OPCML: variants seen among roughly 807,000 people sequenced by gnomAD.
OPCML encodes the protein opioid-binding protein/cell adhesion molecule.
OPCML carries 13 observed loss-of-function variants against 37.8 expected under a neutral mutation model. That is an observed-to-expected ratio of 0.34 (90% CI 0.22 to 0.55). The LOEUF (loss-of-function observed/expected upper bound fraction) is 0.55. Among genes scored for constraint, OPCML ranks in the 20% least tolerant of loss-of-function variants. The probability of loss-of-function intolerance (pLI) is 0.91; values close to 1 mark genes in which losing one functional copy is unlikely to be tolerated. For missense variants in OPCML, 341 were observed against 435.6 expected, an observed-to-expected ratio of 0.78 and a Z score of 1.93; for synonymous variants, 176 against 168.8, an observed-to-expected ratio of 1.04 and a Z score of -0.33.
intron 1 of OPCML, among the ~76,000 whole-genome samples, chr11:133,396,936 T>C (rs950311857): frequency 2.6e-5 from 4 of 152,188 alleles, no homozygotes; most frequent in Non-Finnish European, 5.9e-5. Flanking sequence ...TATAGAAATA[T>C]GTAGGATTGG....
chr11:133,136,831 G>A (rs1486391755), intron 1 of OPCML, among the ~76,000 whole-genome samples: 7 of 20,238 alleles, frequency 3.5e-4, no homozygotes, highest in Admixed American at 1.4e-3. Context: ...ATGTGCACGT[G>A]TGTGTGTGTG....
intron 3 of OPCML, among the ~76,000 whole-genome samples, chr11:132,644,508 A>G (rs1941043508): frequency 6.6e-6 from 1 of 152,222 alleles, no homozygotes; most frequent in Non-Finnish European, 1.5e-5. Flanking sequence ...AAAAATTAAA[A>G]GAAAGAAGAA....
chr11:132,496,103 C>G (rs1565612817), intron 4 of OPCML, among the ~76,000 whole-genome samples: 2 of 152,096 alleles, frequency 1.3e-5, no homozygotes, highest in African/African-American at 4.8e-5. Context: ...GGAATAAAGA[C>G]AAATCTGAAT....
intron 1 of OPCML, among the ~76,000 whole-genome samples, chr11:133,232,094 A>C (rs1260993860): frequency 6.6e-6 from 1 of 152,212 alleles, no homozygotes; most frequent in Non-Finnish European, 1.5e-5. Context: ...CTGAACTTTT[A>C]GTTGCCTTGA....
chr11:132,684,797 T>C (rs1232207990), intron 2 of OPCML, among the ~76,000 whole-genome samples: 2 of 152,186 alleles, frequency 1.3e-5, no homozygotes, highest in Admixed American at 1.3e-4. Context: ...GACAAATAAA[T>C]AACTTTGCGG....
intron 2 of OPCML, among the ~76,000 whole-genome samples, chr11:132,787,906 G>A (rs1947274902): frequency 6.6e-6 from 1 of 152,150 alleles, no homozygotes; most frequent in Non-Finnish European, 1.5e-5. Context: ...TTTTGAGACA[G>A]AGTCTCGCTT....
chr11:132,788,136 C>T (rs986574536), intron 2 of OPCML, among the ~76,000 whole-genome samples: 4 of 152,170 alleles, frequency 2.6e-5, no homozygotes, highest in African/African-American at 9.7e-5. Context: ...ACCTCGGCCT[C>T]CCAAAGTGCT....
intron 4 of OPCML, among the ~76,000 whole-genome samples, chr11:132,507,497 ATATC>A (rs1565622032): frequency 6.6e-6 from 1 of 151,970 alleles, no homozygotes; most frequent in Non-Finnish European, 1.5e-5. Context: ...ATTAACATAA[ATATC>A]TATAAACTTG....
chr11:133,462,199 G>C (rs925445920), intron 1 of OPCML, among the ~76,000 whole-genome samples: 4 of 151,822 alleles, frequency 2.6e-5, no homozygotes, highest in African/African-American at 9.7e-5. Context: ...ACTCAGTATG[G>C]ACCAAAGATG....
At chr11:133,247,759 T>C (rs1244788762) in intron 1 of OPCML, among the ~76,000 whole-genome samples, 1 of 151,932 alleles carries the variant, frequency 6.6e-6, no homozygotes, top group Non-Finnish European at 1.5e-5. Flanking sequence ...TGAGCCACCA[T>C]GCCCAACTAA....
chr11:133,353,105 T>C (rs976962791), intron 1 of OPCML, among the ~76,000 whole-genome samples: 3 of 152,228 alleles, frequency 2.0e-5, no homozygotes, highest in Non-Finnish European at 4.4e-5. Flanking sequence ...CCTTAGAATT[T>C]GCCTCAGAAT....
intron 1 of OPCML, among the ~76,000 whole-genome samples, chr11:133,002,049 A>G (rs977745702): frequency 6.6e-5 from 10 of 152,216 alleles, no homozygotes; most frequent in African/African-American, 2.2e-4. Context: ...TGATACAATA[A>G]ATAGGTCAGA....
Position 132,436,709 on chromosome 11 carries a change from T to C in OPCML, c.714A>G (p.Glu238=). The change falls in exon 6 of 8, where the codon GAA becomes GAG. Residue 238 remains glutamate, a synonymous_variant. Transcript: ENST00000524381. ...SVGQKGILSC[E]ASAVPMAEFQ... is the part of the protein sequence containing the mutation. Reference sequence around the variant, plus strand: ...ATTCAGCCATGGGGACTGCAGAGGCTTCACAGCTCAGGATGCCCTTCTGAC... The same window carrying C: ...ATTCAGCCATGGGGACTGCAGAGGCCTCACAGCTCAGGATGCCCTTCTGAC... The C allele has an allele frequency of 6.2e-7, 1 of 1,614,178 alleles. No homozygotes were observed. Among genetic ancestry groups the C allele is most frequent in the Non-Finnish European group, 8.5e-7 (1 of 1,180,036 alleles).
chr11:133,266,989 A>T (rs1427647584), intron 1 of OPCML, among the ~76,000 whole-genome samples: 1 of 152,180 alleles, frequency 6.6e-6, no homozygotes, highest in East Asian at 1.9e-4. Flanking sequence ...ACAGATAAAG[A>T]TCTTCAAGAT....
At chr11:133,153,813 C>G (rs1408879354) in intron 1 of OPCML, among the ~76,000 whole-genome samples, 1 of 152,134 alleles carries the variant, frequency 6.6e-6, no homozygotes, top group African/African-American at 2.4e-5. Context: ...AAACGTGCTT[C>G]TCAGACTACC....
intron 3 of OPCML, among the ~76,000 whole-genome samples, chr11:132,627,141 G>A (rs1939797122): frequency 6.6e-6 from 1 of 152,016 alleles, no homozygotes; most frequent in African/African-American, 2.4e-5. Flanking sequence ...TTAGGAAGAG[G>A]AGATATAAGA....
chr11:132,808,625 C>T (rs1180196393), intron 2 of OPCML, among the ~76,000 whole-genome samples: 3 of 152,136 alleles, frequency 2.0e-5, no homozygotes, highest in Non-Finnish European at 2.9e-5. Flanking sequence ...TGAAACACGA[C>T]TGTGAGCGGG....
intron 1 of OPCML, among the ~76,000 whole-genome samples, chr11:133,080,390 T>TAAGAGGG (rs1948693243): frequency 6.6e-6 from 1 of 151,238 alleles, no homozygotes; most frequent in Non-Finnish European, 1.5e-5. Context: ...AGGAAGGCCC[T>TAAGAGGG]AAGAGGGAAG....
intron 1 of OPCML, among the ~76,000 whole-genome samples, chr11:133,379,556 G>A (rs924434395): frequency 6.6e-6 from 1 of 152,178 alleles, no homozygotes; most frequent in East Asian, 1.9e-4. Context: ...GTCTTAGTAT[G>A]TGGTACCTCC....
Sources: allele counts gnomAD v4.1 joint callset (sites outside exome capture counted in the v4.1 genomes callset), GRCh38; gene constraint gnomAD v4.1.1; transcripts MANE v1.5; gene names NCBI Gene and HGNC (gene_info 2026-07-23, HGNC 2026-07-21).